The following NAV1 variants were observed in gnomAD, a reference collection of about 807,000 sequenced individuals.
NAV1 encodes the protein neuron navigator 1.
Under a neutral mutation model 175.2 loss-of-function variants are expected in NAV1, and 18 were observed. The observed-to-expected ratio is 0.10, with a 90% CI of 0.07 to 0.15. NAV1 has a LOEUF of 0.15. Among genes scored for constraint, NAV1 ranks in the 10% least tolerant of loss-of-function variants. The pLI is 1.00. For synonymous variants in NAV1, 897 were observed against 978.7 expected, an observed-to-expected ratio of 0.92 and a Z score of 1.56; for missense variants, 1,731 against 2,436.6, an observed-to-expected ratio of 0.71 and a Z score of 6.10.
intron 3 of NAV1, among the ~76,000 whole-genome samples, chr1:201,734,218 G>C (rs892952494): frequency 7.9e-5 from 12 of 151,954 alleles, no homozygotes; most frequent in African/African-American, 2.9e-4. Flanking sequence ...GACCAGCCTG[G>C]GCAACACAGC....
Position 201,812,573 on chromosome 1 carries a change from G to A in NAV1, c.5133G>A (p.Glu1711=). The A allele has an allele frequency of 6.2e-7, 1 of 1,614,220 alleles. No homozygotes were observed. The highest frequency in any genetic ancestry group is 8.5e-7 in the Non-Finnish European group (1 of 1,180,046). Residue 1711 remains glutamate, a synonymous_variant, in exon 27 of 30, where the codon GAG becomes GAA. Transcript: ENST00000367296. The surrounding 1 kb of genome is among the most constrained non-coding windows in gnomAD (Gnocchi z 4.6). ...GCGACATCAATGCCAACAAGGAAGA[G>A]CTGCTTCGGGTGCTCGACTGGGTAC...
Position 201,808,853 on chromosome 1 carries a change from C to T in NAV1, c.4189C>T (p.Pro1397Ser). Residue 1397 changes from proline to serine, a missense_variant, in exon 20 of 30, where the codon CCC becomes TCC. Coordinates refer to ENST00000367296, the Ensembl canonical transcript of NAV1. This position sits in a 1 kb window ranked among gnomAD's most constrained non-coding sequence, Gnocchi z 5.5. The stretch of plus-strand genomic sequence containing the variant: ...CCTGGCACTCACCCATTCCTTCGGC[C>T]CCAGTCTTGCAGACACAGGTACCTG... 2 of 1,612,336 alleles carry T rather than the reference C, an allele frequency of 1.2e-6. No individual in the cohort carries two copies. Among genetic ancestry groups the T allele is most frequent in the Middle Eastern group, 3.3e-4 (2 of 6,056 alleles).
At chr1:201,671,181 A>G (rs1670031753) in intron 1 of NAV1, among the ~76,000 whole-genome samples, 1 of 152,162 alleles carries the variant, frequency 6.6e-6, no homozygotes, top group African/African-American at 2.4e-5. Flanking sequence ...GTGGAGTTCT[A>G]GAAGAAGGGT....
intron 1 of NAV1, among the ~76,000 whole-genome samples, chr1:201,650,787 C>T (rs1669172100): frequency 6.6e-6 from 1 of 152,158 alleles, no homozygotes; most frequent in Admixed American, 6.5e-5. Context: ...ATGGGCTTTG[C>T]AGGGGCAATC....
intron 1 of NAV1, among the ~76,000 whole-genome samples, chr1:201,699,450 C>G (rs1459787741): frequency 6.6e-6 from 1 of 152,136 alleles, no homozygotes; most frequent in African/African-American, 2.4e-5. Flanking sequence ...AGGATACAAA[C>G]AAATGGAAGA....
At chr1:201,781,789 A>G (rs1343473724) in intron 5 of NAV1, among the ~76,000 whole-genome samples, 3 of 152,222 alleles carry the variant, frequency 2.0e-5, no homozygotes, top group African/African-American at 7.2e-5. Flanking sequence ...GCCTTAATCA[A>G]CATTTTCCTG....
chr1:201,634,984 T>C (rs574122060), intron 2 of NAV1, among the ~76,000 whole-genome samples: 1 of 152,242 alleles, frequency 6.6e-6, no homozygotes, highest in Non-Finnish European at 1.5e-5. Context: ...GACCTCTGCA[T>C]TGCCCAACTC....
intron 2 of NAV1, among the ~76,000 whole-genome samples, chr1:201,601,768 C>A (rs1667519211): frequency 6.6e-6 from 1 of 152,130 alleles, no homozygotes; most frequent in Admixed American, 6.5e-5. Context: ...TAAAAGCCAC[C>A]CAGTCTGCAA....
At chr1:201,582,361 A>G (rs1666894207) in intron 1 of NAV1, among the ~76,000 whole-genome samples, 1 of 152,220 alleles carries the variant, frequency 6.6e-6, no homozygotes, top group Admixed American at 6.5e-5. Flanking sequence ...GGCAACCAAG[A>G]TCCTGGGAAT....
In NAV1 at chr1:201,808,962, G is replaced by A; in HGVS notation, c.4207+91G>A. On this transcript the variant is annotated intron_variant, in intron 20 of 29. Transcript: ENST00000367296. This position sits in a 1 kb window ranked among gnomAD's most constrained non-coding sequence, Gnocchi z 5.5. ...CATTCCACTTGCTTTGGTCAGGGCG[G>A]TAACAATGCCGAAGCCAAGCAGATG... The A allele has an allele frequency of 6.7e-7, 1 of 1,488,852 alleles. No homozygotes were observed. 92.2% of individuals were successfully genotyped at this position (1,488,852 alleles called of 1,614,324 possible).
At chr1:201,548,962 A>G (rs763963933) in intron 1 of NAV1, among the ~76,000 whole-genome samples, 80 of 152,246 alleles carry the variant, frequency 5.3e-4, no homozygotes, top group Admixed American at 3.4e-3. Flanking sequence ...GGAGTTGGGA[A>G]GAGGTGGGAC....
intron 1 of NAV1, among the ~76,000 whole-genome samples, chr1:201,576,582 A>T (rs79004773): frequency 0.026 from 3,996 of 152,258 alleles, 168 homozygotes; most frequent in African/African-American, 0.091. Flanking sequence ...CCAAAAAAAA[A>T]AATAATAAAG....
At chr1:201,793,684 G>A in intron 13 of NAV1, 108 bp from the exon 18 acceptor site, 1 of 913,528 alleles carries the variant, frequency 1.1e-6, no homozygotes, top group Non-Finnish European at 1.7e-6. Flanking sequence ...TGCTGGCATT[G>A]GTCAGCTCCG....
At chr1:201,642,210 T>TTCCTTCCC (rs1668787763) in intron 2 of NAV1, among the ~76,000 whole-genome samples, 1 of 140,430 alleles carries the variant, frequency 7.1e-6, no homozygotes, top group African/African-American at 2.8e-5. Context: ...CCTTTCTTCC[T>TTCCTTCCC]TCCCTCCTTT....
chr1:201,748,794 G>A (rs758746409), intron 3 of NAV1, among the ~76,000 whole-genome samples: 11 of 152,144 alleles, frequency 7.2e-5, no homozygotes, highest in African/African-American at 1.2e-4. Flanking sequence ...TGGTTTTGAC[G>A]TAGTAGTCTG....
chr1:201,593,171 T>C (rs1667253031), intron 2 of NAV1, among the ~76,000 whole-genome samples: 1 of 152,158 alleles, frequency 6.6e-6, no homozygotes, highest in South Asian at 2.1e-4. Flanking sequence ...ATAGGGGTAT[T>C]CAATCATGGC....
intron 1 of NAV1, among the ~76,000 whole-genome samples, chr1:201,682,638 C>A (rs773554836): frequency 6.6e-6 from 1 of 152,018 alleles, no homozygotes; most frequent in Non-Finnish European, 1.5e-5. Context: ...GCAGAACCTA[C>A]GTGCTATGAA....
intron 1 of NAV1, among the ~76,000 whole-genome samples, chr1:201,549,083 C>CTTTCTTTT (rs1325137536): frequency 3.2e-5 from 2 of 63,426 alleles, no homozygotes; most frequent in African/African-American, 4.3e-5. Flanking sequence ...TTTTCTCTTT[C>CTTTCTTTT]TTTCTTTCTT....
In NAV1 at chr1:201,694,374, T is replaced by C. The variant is rs188253517; in HGVS notation, c.758-18443T>C. Among the ~76,000 whole-genome samples the C allele has an allele frequency of 4.6e-4, 70 of 152,324 alleles. 2 individuals are homozygous for C. In the East Asian group the frequency reaches 0.013, roughly 29 times the overall value. On this transcript the variant is annotated intron_variant, in intron 1 of 29. Transcript: ENST00000367296. The surrounding 1 kb of genome is among the most constrained non-coding windows in gnomAD (Gnocchi z 4.2). The stretch of plus-strand genomic sequence containing the variant: ...AGCCAGGCAGCTGATTTCCCATCGC[T>C]TCTCTCATCCCTCCTTCTGAGCCTA...
Sources: gnomAD v4.1 joint callset for allele counts (sites outside exome capture counted in the v4.1 genomes callset) on GRCh38, gnomAD v4.1.1 for gene constraint, Gnocchi (gnomAD v3.1) non-coding constraint, MANE v1.5 for transcripts, NCBI Gene and HGNC (gene_info 2026-07-23, HGNC 2026-07-21) for gene names.